Variants in DGKI observed in about 807,000 individuals in gnomAD.
The protein encoded by DGKI is DAG kinase iota.
In DGKI, 55 loss-of-function variants were observed where a neutral mutation model predicts 147.5. That is an observed-to-expected ratio of 0.37 (90% CI 0.30 to 0.47). The LOEUF is 0.47. Ranked by LOEUF, DGKI falls within the 20% of genes least tolerant of loss-of-function variation. The probability of loss-of-function intolerance (pLI) is 1.00; values close to 1 mark genes in which losing one functional copy is unlikely to be tolerated. For missense variants in DGKI, 1,007 were observed against 1,323.8 expected (o/e 0.76, Z 3.71); for synonymous variants, 469 against 477.1 (o/e 0.98, Z 0.22).
chr7:137,742,474 T>C (rs931497124), intron 1 of DGKI, among the ~76,000 whole-genome samples: 15 of 152,144 alleles, frequency 9.9e-5, no homozygotes, highest in African/African-American at 3.4e-4. Context: ...CCCACTGCTA[T>C]GGCCAGATGT....
At chr7:137,722,219 C>T in intron 1 of DGKI, 1 of 1,600,622 alleles carries the variant, frequency 6.2e-7, no homozygotes, top group East Asian at 2.2e-5. Flanking sequence ...GCCGCTAAAT[C>T]CAAGGTTGAA....
At chr7:137,753,986 GGGA>G (rs934063804) in intron 1 of DGKI, among the ~76,000 whole-genome samples, 2 of 152,054 alleles carry the variant, frequency 1.3e-5, no homozygotes, top group African/African-American at 4.8e-5. Context: ...AGCGTGGAGG[GGGA>G]GGAGAAGAAG....
At chr7:137,653,992 G>A (rs2129011500) in intron 5 of DGKI, among the ~76,000 whole-genome samples, 1 of 152,288 alleles carries the variant, frequency 6.6e-6, no homozygotes, top group East Asian at 1.9e-4. Context: ...ACACAGGAGG[G>A]TTCTTGCCTG....
chr7:137,725,412 T>C (rs1335999121), intron 1 of DGKI, among the ~76,000 whole-genome samples: 3 of 152,148 alleles, frequency 2.0e-5, no homozygotes, highest in Non-Finnish European at 4.4e-5. Context: ...ATTCATTACA[T>C]TTTTATGCCT....
At chr7:137,645,349 A>C (rs780767160) in intron 6 of DGKI, 123 bp downstream of exon 6, 76 of 702,634 alleles carry the variant, frequency 1.1e-4, no homozygotes, top group African/African-American at 1.4e-4. Flanking sequence ...CTGGACAAGT[A>C]AGGTCTTTCA....
intron 21 of DGKI, among the ~76,000 whole-genome samples, chr7:137,513,007 C>T (rs945121055): frequency 2.0e-5 from 3 of 152,166 alleles, no homozygotes; most frequent in South Asian, 2.1e-4. Context: ...ATTCAATCAT[C>T]CATTTCCAAA....
chr7:137,757,426 T>C (rs548193795), intron 1 of DGKI, among the ~76,000 whole-genome samples: 1 of 152,204 alleles, frequency 6.6e-6, no homozygotes, highest in African/African-American at 2.4e-5. Flanking sequence ...TTCTTAACCG[T>C]TGGTGTCAGC....
chr7:137,774,973 A>T (rs1475291589), intron 1 of DGKI: 2 of 152,108 alleles, frequency 1.3e-5, no homozygotes, highest in African/African-American at 2.4e-5. Context: ...AATATCTATA[A>T]GCTGTTCTCA....
intron 3 of DGKI, among the ~76,000 whole-genome samples, chr7:137,673,637 A>ATAAATGG (rs1822929453): frequency 1.3e-5 from 2 of 152,224 alleles, no homozygotes; most frequent in African/African-American, 2.4e-5. Context: ...GCAGGTTTTC[A>ATAAATGG]AACCCAGGTC....
At chr7:137,438,825 GAAAC>G (rs1813382051) in intron 28 of DGKI, among the ~76,000 whole-genome samples, 1 of 151,112 alleles carries the variant, frequency 6.6e-6, no homozygotes, top group South Asian at 2.1e-4. Context: ...TTGAACAAAA[GAAAC>G]AAATAACAAC....
intron 19 of DGKI, among the ~76,000 whole-genome samples, chr7:137,569,771 A>AAG (rs1436274136): frequency 7.6e-6 from 1 of 131,944 alleles, no homozygotes; most frequent in African/African-American, 3.1e-5. Context: ...AAAAAAAAAA[A>AAG]AGAATTCTTC....
rs1811338851 is a variant in DGKI at position 137,390,960 on chromosome 7, G to A, written c.*260C>T. ...ACACAGAAGTTCATGCTACTTGCTG[G>A]AAGCAATAAGGATCAAATTTTGTGG... On this transcript the variant is annotated 3_prime_UTR_variant, in exon 33 of 33. Coordinates refer to ENST00000614521, the MANE Select transcript of DGKI (RefSeq NM_001321708.2). 3 of 467,660 alleles carry A rather than the reference G, an allele frequency of 6.4e-6. No homozygotes were observed. In the East Asian group the frequency reaches 1.3e-4, roughly 20 times the overall value. The allele number at this position is 467,660 out of a possible 1,614,324, so 29.0% of individuals were successfully genotyped here. A position where few individuals can be genotyped will look rare whatever the true frequency, so the allele number is the denominator to read the frequency against.
At chr7:137,408,434 GT>G (rs994669010) in intron 29 of DGKI, among the ~76,000 whole-genome samples, 1 of 152,160 alleles carries the variant, frequency 6.6e-6, no homozygotes, top group African/African-American at 2.4e-5. Context: ...GTGTCCTTCA[GT>G]TTTTCTTCAG....
At chr7:137,474,731 T>A (rs1023660775) in intron 23 of DGKI, among the ~76,000 whole-genome samples, 1 of 152,092 alleles carries the variant, frequency 6.6e-6, no homozygotes, top group Non-Finnish European at 1.5e-5. Flanking sequence ...ATCTGATGAA[T>A]GAGATGGAAA....
Position 137,387,104 on chromosome 7 carries a change from C to T in DGKI, c.*4116G>A, listed in dbSNP as rs1443739477. ...ATACTACACTGAAGTTACACCTTCC[C>T]GGAAGTAGCCTGCCCTAATTAAATA... On this transcript the variant is annotated 3_prime_UTR_variant, in exon 33 of 33. Transcript: ENST00000614521. 2.0e-5 allele frequency: 3 copies of T among 152,072 alleles called. No individual in the cohort carries two copies. Among genetic ancestry groups the T allele is most frequent in the Non-Finnish European group, 4.4e-5 (3 of 68,002 alleles). The allele number at this position is 152,072 out of a possible 1,614,324, so 9.4% of individuals were successfully genotyped here.
At chr7:137,649,772 T>C (rs1417150099) in intron 5 of DGKI, among the ~76,000 whole-genome samples, 2 of 147,632 alleles carry the variant, frequency 1.4e-5, no homozygotes, top group South Asian at 2.1e-4. Context: ...TATATATATA[T>C]GTATATATAT....
intron 21 of DGKI, among the ~76,000 whole-genome samples, chr7:137,492,042 T>C (rs984619625): frequency 6.6e-6 from 1 of 152,190 alleles, no homozygotes; most frequent in Non-Finnish European, 1.5e-5. Flanking sequence ...ATCTAGGACA[T>C]CGAAAGCTGA....
intron 1 of DGKI, among the ~76,000 whole-genome samples, chr7:137,839,016 G>A (rs1798471834): frequency 6.6e-6 from 1 of 152,174 alleles, no homozygotes; most frequent in Non-Finnish European, 1.5e-5. Context: ...CTAGTACCTC[G>A]GTCTTTATCA....
At chr7:137,777,930 C>T (rs137970274) in intron 1 of DGKI, among the ~76,000 whole-genome samples, 5 of 152,290 alleles carry the variant, frequency 3.3e-5, no homozygotes, top group African/African-American at 1.2e-4. Flanking sequence ...TAAAATGCAA[C>T]CATCATGTGG....
Sources: allele counts gnomAD v4.1 joint callset (sites outside exome capture counted in the v4.1 genomes callset), GRCh38; gene constraint gnomAD v4.1.1; transcripts MANE v1.5; gene names NCBI Gene and HGNC (gene_info 2026-07-23, HGNC 2026-07-21).